MOB4: variants seen among roughly 807,000 people sequenced by gnomAD.
MOB4 encodes the protein MOB-like protein phocein.
MOB4 carries 4 observed loss-of-function variants against 32.2 expected under a neutral mutation model. The observed-to-expected ratio is 0.12, with a 90% CI of 0.06 to 0.28. The LOEUF (loss-of-function observed/expected upper bound fraction) is 0.28, where lower values mean the gene tolerates loss of function less well. Among genes scored for constraint, MOB4 ranks in the 10% least tolerant of loss-of-function variants. The pLI is 1.00. For missense variants in MOB4, 158 were observed against 271.2 expected (o/e 0.58, Z 2.93); for synonymous variants, 88 against 88.1 (o/e 1.00, Z 0.01).
chr2:197,527,100 AT>A (rs202216533), intron 2 of MOB4, among the ~76,000 whole-genome samples: 3 of 151,748 alleles, frequency 2.0e-5, no homozygotes, highest in Non-Finnish European at 4.4e-5. Context: ...TATTTTCAAG[AT>A]TTTTTTTGTT....
At chr2:197,537,349 G>A (rs1276377676) in intron 3 of MOB4, among the ~76,000 whole-genome samples, 2 of 152,166 alleles carry the variant, frequency 1.3e-5, no homozygotes, top group African/African-American at 4.8e-5. Context: ...TAAATATAGA[G>A]AATGCAGTAT....
Position 197,535,520 on chromosome 2 carries a change from T to G in MOB4, c.124-10T>G. On this transcript the variant is annotated splice_polypyrimidine_tract_variant and intron_variant, in intron 2 of 7. Transcript: ENST00000323303. ...AATTTAATTAACCATAAGAACTTCT[T>G]TGTTTTTAGTATATTCAACAGAACA... 1 of 1,582,192 alleles carries G rather than the reference T, an allele frequency of 6.3e-7. No homozygotes were observed. Among genetic ancestry groups the G allele is most frequent in the South Asian group, 1.2e-5 (1 of 85,262 alleles).
At chr2:197,523,237 T>G (rs530177777) in intron 1 of MOB4, among the ~76,000 whole-genome samples, 4 of 152,140 alleles carry the variant, frequency 2.6e-5, no homozygotes, top group Non-Finnish European at 5.9e-5. Context: ...AATCTGTGAT[T>G]GGAAAAAACG....
In MOB4 at chr2:197,546,965, G is replaced by A. The variant is rs560581835; in HGVS notation, c.355-1371G>A. On this transcript the variant is annotated intron_variant, in intron 5 of 7. Coordinates refer to ENST00000323303, the MANE Select transcript of MOB4 (RefSeq NM_015387.5). ...AATGTTATTCAGAAAATCATAAGGG[G>A]CTGGGCGTGATGGCTTATGCCTGTA... is the stretch of plus-strand genomic sequence containing the variant. Among the ~76,000 whole-genome samples, 19 of 152,254 alleles carry A rather than the reference G, an allele frequency of 1.2e-4. No individual in the cohort carries two copies. The South Asian group carries it at 3.7e-3, about 30-fold the overall frequency.
At chr2:197,537,962 TA>T (rs1049305430) in intron 3 of MOB4, among the ~76,000 whole-genome samples, 3 of 152,124 alleles carry the variant, frequency 2.0e-5, no homozygotes, top group Non-Finnish European at 4.4e-5. Flanking sequence ...GTATTTTTAG[TA>T]GAGATGGGGT....
intron 2 of MOB4, 46 bp downstream of exon 2, chr2:197,523,732 T>A (rs372104828): frequency 1.3e-6 from 2 of 1,560,634 alleles, no homozygotes; most frequent in East Asian, 2.3e-5. Flanking sequence ...TGGAGTACGA[T>A]GTGTAAGTGC....
intron 5 of MOB4, among the ~76,000 whole-genome samples, chr2:197,548,123 TTATG>T (rs2106138917): frequency 6.6e-6 from 1 of 152,292 alleles, no homozygotes; most frequent in East Asian, 1.9e-4. Flanking sequence ...GGAGACTGGT[TTATG>T]TATCATCTAG....
chr2:197,540,428 T>C lies in MOB4; in HGVS notation c.345T>C (p.Thr115=). The stretch of plus-strand genomic sequence containing the variant: ...TTTTTCTTTGTGCAGCTCATAAAAC[T>C]CCAAAAGAGGTGAGGATTTATGAAA... ...QWIFLCAAHK[T]PKECPAIDYT... The change falls in exon 5 of 8, where the codon ACT becomes ACC. Residue 115 remains threonine, a synonymous_variant. Transcript: ENST00000323303. The C allele has an allele frequency of 6.3e-7, 1 of 1,581,410 alleles. No homozygotes were observed. The highest frequency in any genetic ancestry group is 8.6e-7 in the Non-Finnish European group (1 of 1,169,274).
intron 1 of MOB4, chr2:197,516,702 T>G: frequency 2.1e-6 from 1 of 471,746 alleles, no homozygotes; most frequent in Non-Finnish European, 4.4e-6. Flanking sequence ...CCGCTTTCCC[T>G]GGAGCTGTTC....
At chr2:197,521,840 A>G (rs2086525213) in intron 1 of MOB4, among the ~76,000 whole-genome samples, 1 of 152,230 alleles carries the variant, frequency 6.6e-6, no homozygotes, top group Non-Finnish European at 1.5e-5. Flanking sequence ...CAAGGTGCCC[A>G]GATTTCATAT....
In MOB4 at chr2:197,550,764, G is replaced by C; in HGVS notation, c.*118G>C. The C allele has an allele frequency of 7.8e-7, 1 of 1,283,414 alleles. No homozygotes were observed. Among genetic ancestry groups the C allele is most frequent in the Non-Finnish European group, 1.0e-6 (1 of 986,356 alleles). The allele number at this position is 1,283,414 out of a possible 1,614,324, so 79.5% of individuals were successfully genotyped here. A position where few individuals can be genotyped will look rare whatever the true frequency, so the allele number is the denominator to read the frequency against. On this transcript the variant is annotated 3_prime_UTR_variant, in exon 8 of 8. Coordinates refer to ENST00000323303, the MANE Select transcript of MOB4 (RefSeq NM_015387.5). ...GCTTCTTTGTTTAGTATAGGTTTTT[G>C]TATGCTGGGTTTGCCTTTTAAAATG...
intron 2 of MOB4, among the ~76,000 whole-genome samples, chr2:197,534,704 G>A (rs1480714722): frequency 1.3e-5 from 2 of 152,056 alleles, no homozygotes; most frequent in East Asian, 1.9e-4. Flanking sequence ...CACCACGCCT[G>A]GCTAATTTTT....
intron 3 of MOB4, among the ~76,000 whole-genome samples, chr2:197,537,323 G>A (rs781768944): frequency 6.6e-6 from 1 of 152,180 alleles, no homozygotes; most frequent in Non-Finnish European, 1.5e-5. Flanking sequence ...GCTGGGATGA[G>A]TTGACAGATT....
intron 5 of MOB4, among the ~76,000 whole-genome samples, chr2:197,544,482 G>A (rs1176518570): frequency 2.6e-5 from 4 of 152,090 alleles, no homozygotes; most frequent in Non-Finnish European, 4.4e-5. Flanking sequence ...GTCTGGGCGC[G>A]GTGGCTCACG....
intron 5 of MOB4, among the ~76,000 whole-genome samples, chr2:197,540,680 A>G (rs894085241): frequency 6.6e-6 from 1 of 152,218 alleles, no homozygotes; most frequent in Non-Finnish European, 1.5e-5. Flanking sequence ...GCTATTACGG[A>G]TTAACATCTG....
In MOB4 at chr2:197,552,902, A is replaced by G. The variant is rs1253516843; in HGVS notation, c.*2256A>G. On this transcript the variant is annotated 3_prime_UTR_variant, in exon 8 of 8. Transcript: ENST00000323303. ...ACTTTTTGTTTGAATTACCCTATGT[A>G]TATCCGAAGGTAAACTTAGGCTTTT... 1.3e-5 allele frequency: 2 copies of G among 152,236 alleles called. No individual in the cohort carries two copies. Among genetic ancestry groups the G allele is most frequent in the South Asian group, 2.1e-4 (1 of 4,838 alleles). 9.4% of individuals were successfully genotyped at this position (152,236 alleles called of 1,614,324 possible). A position where few individuals can be genotyped will look rare whatever the true frequency, so the allele number is the denominator to read the frequency against.
At chr2:197,524,134 G>A (rs1461558409) in intron 2 of MOB4, among the ~76,000 whole-genome samples, 1 of 152,156 alleles carries the variant, frequency 6.6e-6, no homozygotes, top group Non-Finnish European at 1.5e-5. Flanking sequence ...TAGCTAGGGA[G>A]TCTGAGGTGG....
chr2:197,535,930 C>T (rs2086789801), intron 3 of MOB4, among the ~76,000 whole-genome samples: 1 of 142,736 alleles, frequency 7.0e-6, no homozygotes. Flanking sequence ...GATGGGGTCT[C>T]ACTCTCTTGC....
At chr2:197,532,820 C>T (rs1000084624) in intron 2 of MOB4, among the ~76,000 whole-genome samples, 1 of 152,146 alleles carries the variant, frequency 6.6e-6, no homozygotes, top group African/African-American at 2.4e-5. Context: ...CCATAGAAGA[C>T]TGGGTGCGGT....
Sources: allele counts gnomAD v4.1 joint callset (sites outside exome capture counted in the v4.1 genomes callset), GRCh38; gene constraint gnomAD v4.1.1; transcripts MANE v1.5; gene names NCBI Gene and HGNC (gene_info 2026-07-23, HGNC 2026-07-21).